Variants in ACACA observed in about 807,000 individuals in gnomAD.
ACACA encodes the protein acetyl-CoA carboxylase 1.
In ACACA, 103 loss-of-function variants were observed where a neutral mutation model predicts 296.1. The observed-to-expected ratio is 0.35, with a 90% confidence interval of 0.30 to 0.41. The LOEUF (loss-of-function observed/expected upper bound fraction) is 0.41. Ranked by LOEUF, ACACA falls within the 10% of genes least tolerant of loss-of-function variation. The pLI is 1.00. For synonymous variants in ACACA, 953 were observed against 1,038.6 expected (o/e 0.92, Z 1.58); for missense variants, 1,554 against 2,989.7 (o/e 0.52, Z 11.20).
At chr17:37,340,402 C>G (rs1425401288) in intron 1 of ACACA, among the ~76,000 whole-genome samples, 1 of 152,182 alleles carries the variant, frequency 6.6e-6, no homozygotes, top group African/African-American at 2.4e-5. Flanking sequence ...TAGAAATTCT[C>G]AACTCTGATT....
At chr17:37,281,884 C>T (rs1598395422) in intron 5 of ACACA, among the ~76,000 whole-genome samples, 1 of 152,048 alleles carries the variant, frequency 6.6e-6, no homozygotes, top group East Asian at 1.9e-4. Flanking sequence ...AAGAAAAAAA[C>T]CACGCAAGTT....
chr17:37,129,262 G>C, intron 47 of ACACA, 103 bp downstream of exon 47: 1 of 1,511,758 alleles, frequency 6.6e-7, no homozygotes, highest in Non-Finnish European at 9.2e-7. Context: ...ACTTACCTCT[G>C]TTTTCTTAGT....
At chr17:37,280,440 C>T (rs958769789) in intron 5 of ACACA, among the ~76,000 whole-genome samples, 2 of 152,138 alleles carry the variant, frequency 1.3e-5, no homozygotes, top group Non-Finnish European at 2.9e-5. Context: ...CTCCTGGGTT[C>T]AAGTGATCCG....
At chr17:37,290,686 G>A (rs1282194245) in intron 3 of ACACA, among the ~76,000 whole-genome samples, 2 of 152,148 alleles carry the variant, frequency 1.3e-5, no homozygotes, top group African/African-American at 4.8e-5. Context: ...ATTATTCACT[G>A]TATATCCATG....
Position 37,121,490 on chromosome 17 carries a change from T to A in ACACA, c.6139A>T (p.Ile2047Leu). Reference sequence around the variant, plus strand: ...CAAACCTGGCCAGCCTGCTGGATTATCTATTAGGAAAAGTCAAAGAAGACA... The same window carrying A: ...CAAACCTGGCCAGCCTGCTGGATTAACTATTAGGAAAAGTCAAAGAAGACA... ...DPANLDSEAK[I>L]IQQAGQVWFP... Residue 2047 changes from isoleucine (I) to leucine (L), a missense_variant and splice_region_variant, in exon 50 of 56, where the codon ATA becomes TTA. Coordinates refer to ENST00000616317, the MANE Select transcript of ACACA (RefSeq NM_198834.3). The A allele has an allele frequency of 1.2e-6, 2 of 1,614,154 alleles. No homozygotes were observed. Among genetic ancestry groups the A allele is most frequent in the Non-Finnish European group, 1.7e-6 (2 of 1,180,026 alleles).
intron 3 of ACACA, chr17:37,301,530 T>A (rs1451976252): frequency 1.7e-5 from 5 of 286,560 alleles, no homozygotes; most frequent in Non-Finnish European, 2.6e-5. Context: ...GCACACACAC[T>A]GTGAGAGACT....
At chr17:37,138,164 CA>C (rs1265660611) in intron 45 of ACACA, among the ~76,000 whole-genome samples, 2 of 152,188 alleles carry the variant, frequency 1.3e-5, no homozygotes, top group Non-Finnish European at 2.9e-5. Context: ...TTTCATAATT[CA>C]ATATTCCTGA....
intron 1 of ACACA, among the ~76,000 whole-genome samples, chr17:37,396,985 C>T (rs2051103242): frequency 6.6e-6 from 1 of 151,948 alleles, no homozygotes; most frequent in African/African-American, 2.4e-5. Context: ...TTTGCTGCAC[C>T]CATTAACTCG....
chr17:37,290,039 T>C (rs147159604), intron 3 of ACACA, among the ~76,000 whole-genome samples: 7 of 152,244 alleles, frequency 4.6e-5, no homozygotes, highest in African/African-American at 1.7e-4. Context: ...AGATAGAAGC[T>C]GTTCAAACAT....
intron 41 of ACACA, among the ~76,000 whole-genome samples, chr17:37,177,829 A>G (rs773366579): frequency 8.5e-5 from 13 of 152,076 alleles, no homozygotes; most frequent in Non-Finnish European, 1.9e-4. Flanking sequence ...TGACTTTGCT[A>G]TTTGTTGAGA....
chr17:37,210,751 CAAAAA>C (rs57591064), intron 29 of ACACA, among the ~76,000 whole-genome samples: 13 of 72,424 alleles, frequency 1.8e-4, no homozygotes, highest in African/African-American at 4.9e-4. Flanking sequence ...GCTCTATTAC[CAAAAA>C]AAAAAAAAAA....
At chr17:37,380,912 T>TTA (rs1333961448) in intron 1 of ACACA, among the ~76,000 whole-genome samples, 1 of 149,932 alleles carries the variant, frequency 6.7e-6, no homozygotes, top group African/African-American at 2.5e-5. Context: ...TTTTTTTTTT[T>TTA]AATTTCATTT....
chr17:37,406,007 T>A (rs1202457186), intron 1 of ACACA, among the ~76,000 whole-genome samples: 3 of 152,110 alleles, frequency 2.0e-5, no homozygotes, highest in Non-Finnish European at 2.9e-5. Flanking sequence ...GTAACAGTTA[T>A]ATAGTTCAGA....
intron 43 of ACACA, among the ~76,000 whole-genome samples, chr17:37,152,041 C>T (rs1287785825): frequency 1.3e-5 from 2 of 151,720 alleles, no homozygotes; most frequent in South Asian, 4.2e-4. Flanking sequence ...GTGATCCACC[C>T]GCCTCGGCCT....
chr17:37,200,119 T>C lies in ACACA; in HGVS notation c.4158+20A>G. The C allele has an allele frequency of 2.6e-6, 4 of 1,554,952 alleles. No homozygotes were observed. Among genetic ancestry groups the C allele is most frequent in the Non-Finnish European group, 3.6e-6 (4 of 1,126,350 alleles). ...AAATAAAACAGTAAGTAATCTTTCA[T>C]TATTGTTCATTTTACTTACATGAAA... is the stretch of plus-strand genomic sequence containing the variant. On this transcript the variant is annotated intron_variant, in intron 35 of 55. Transcript: ENST00000616317.
chr17:37,339,822 T>C lies in ACACA; in HGVS notation c.67A>G (p.Thr23Ala). Residue 23 changes from threonine to alanine, a missense_variant, in exon 2 of 56, where the codon ACA becomes GCA. Transcript: ENST00000616317. ...AACTGACCTCTTATAATTCTTACTG[T>C]CTGAGTAGATATCCACTTCCAAAAA... ...RSFWKWISTQ[T>A]VRIIRAVRAH... The C allele has an allele frequency of 7.2e-7, 1 of 1,389,374 alleles. No individual in the cohort carries two copies. The highest frequency in any genetic ancestry group is 1.0e-6 in the Non-Finnish European group (1 of 983,684). 86.1% of individuals were successfully genotyped at this position (1,389,374 alleles called of 1,614,324 possible).
chr17:37,110,666 C>T (rs903684166), intron 52 of ACACA, among the ~76,000 whole-genome samples: 16 of 152,176 alleles, frequency 1.1e-4, no homozygotes, highest in Non-Finnish European at 2.1e-4. Context: ...ACAAATGGTA[C>T]TTTATTAATT....
At chr17:37,348,833 C>G (rs1328660856) in intron 1 of ACACA, among the ~76,000 whole-genome samples, 1 of 150,696 alleles carries the variant, frequency 6.6e-6, no homozygotes, top group South Asian at 2.1e-4. Context: ...CCTGTAGGCC[C>G]AGATACTCAG....
chr17:37,160,670 G>C (rs1384243917), intron 42 of ACACA, among the ~76,000 whole-genome samples: 3 of 152,200 alleles, frequency 2.0e-5, no homozygotes, highest in Non-Finnish European at 2.9e-5. Flanking sequence ...AAAGCACAGA[G>C]TAAGCAGAGT....
Sources: gnomAD v4.1 joint callset for allele counts (sites outside exome capture counted in the v4.1 genomes callset) on GRCh38, gnomAD v4.1.1 for gene constraint, MANE v1.5 for transcripts, NCBI Gene and HGNC (gene_info 2026-07-23, HGNC 2026-07-21) for gene names.